CYP19A1: variants seen among roughly 807,000 people sequenced by gnomAD.
The protein encoded by CYP19A1 is cytochrome P450 family 19 subfamily A member 1.
A neutral mutation model predicts 44.4 loss-of-function variants in CYP19A1; 32 were observed. The observed-to-expected ratio is 0.72, with a 90% CI of 0.54 to 0.97. The LOEUF is 0.97. Among genes scored for constraint, CYP19A1 ranks in the 50% least tolerant of loss-of-function variants. The pLI is 0.00. For synonymous variants in CYP19A1, 212 were observed against 215.6 expected, an observed-to-expected ratio of 0.98 and a Z score of 0.14; for missense variants, 598 against 637.8, an observed-to-expected ratio of 0.94 and a Z score of 0.67.
chr15:51,263,708 G>T, intron 1 of CYP19A1, among the ~76,000 whole-genome samples: 1 of 152,208 alleles, frequency 6.6e-6, no homozygotes, highest in East Asian at 1.9e-4. Context: ...GAGAGGACAG[G>T]AGCAAATCCA....
At chr15:51,312,818 A>T (rs1044643937) in intron 1 of CYP19A1, 1 of 152,248 alleles carries the variant, frequency 6.6e-6, no homozygotes, top group African/African-American at 2.4e-5. Context: ...CACCCCATAT[A>T]TGATGGCTCT....
At chr15:51,329,584 G>A (rs2036668305) in intron 1 of CYP19A1, among the ~76,000 whole-genome samples, 1 of 152,184 alleles carries the variant, frequency 6.6e-6, no homozygotes, top group Non-Finnish European at 1.5e-5. Flanking sequence ...AATACCACCG[G>A]GGATGAAGAA....
intron 1 of CYP19A1, among the ~76,000 whole-genome samples, chr15:51,307,513 T>A (rs546492623): frequency 1.3e-5 from 2 of 152,208 alleles, no homozygotes; most frequent in Non-Finnish European, 2.9e-5. Context: ...AAAAAATTAG[T>A]CATGTCTGGC....
At chr15:51,277,820 GTTTT>G (rs573625758) in intron 1 of CYP19A1, among the ~76,000 whole-genome samples, 13 of 151,604 alleles carry the variant, frequency 8.6e-5, no homozygotes, top group African/African-American at 3.1e-4. Context: ...CAAATATCAC[GTTTT>G]TTTAAAAAAA....
chr15:51,217,310 C>G (rs1414026792), intron 6 of CYP19A1, among the ~76,000 whole-genome samples: 1 of 152,150 alleles, frequency 6.6e-6, no homozygotes, highest in Non-Finnish European at 1.5e-5. Flanking sequence ...TTCTGTGGGT[C>G]CAATGGCCAA....
In CYP19A1 at chr15:51,329,064, T is replaced by C. The variant is rs1342282966; in HGVS notation, c.-39+9431A>G. Among the ~76,000 whole-genome samples, 3 of 152,192 alleles carry C rather than the reference T, an allele frequency of 2.0e-5. 1 individual carries two copies. The East Asian group carries it at 5.8e-4, about 29-fold the overall frequency. ...CTTTGGGATTTGTCAGCCTACATAA[T>C]TGCATGAGCCAATTCCTTATAATAA... is the stretch of plus-strand genomic sequence containing the variant. On this transcript the variant is annotated intron_variant, in intron 1 of 9. Transcript: ENST00000396402.
intron 4 of CYP19A1, among the ~76,000 whole-genome samples, chr15:51,224,480 C>T (rs571703099): frequency 6.6e-6 from 1 of 152,230 alleles, no homozygotes; most frequent in Admixed American, 6.5e-5. Flanking sequence ...CCTGATCTTG[C>T]CTATAGAAGG....
chr15:51,226,131 C>T (rs1468468839), intron 4 of CYP19A1, among the ~76,000 whole-genome samples: 1 of 142,866 alleles, frequency 7.0e-6, no homozygotes, highest in Non-Finnish European at 1.5e-5. Context: ...AGAACCTTTC[C>T]AAGCCGAGGT....
intron 1 of CYP19A1, among the ~76,000 whole-genome samples, chr15:51,290,305 G>A (rs1006986088): frequency 1.3e-5 from 2 of 152,230 alleles, no homozygotes; most frequent in Non-Finnish European, 2.9e-5. Context: ...AGCAAAGTTC[G>A]CAGCACATGG....
At chr15:51,227,999 G>T in intron 3 of CYP19A1, 66 bp from the exon 4 acceptor site, 1 of 853,664 alleles carries the variant, frequency 1.2e-6, no homozygotes, top group South Asian at 1.3e-5. Context: ...GGTACATTTT[G>T]ACTAGGAGGT....
intron 8 of CYP19A1, among the ~76,000 whole-genome samples, chr15:51,214,104 T>C (rs1272725852): frequency 6.6e-6 from 1 of 152,210 alleles, no homozygotes; most frequent in Non-Finnish European, 1.5e-5. Context: ...TTGAAAAAGA[T>C]GATGCCCTTC....
At chr15:51,310,887 T>C (rs1206053091) in intron 1 of CYP19A1, among the ~76,000 whole-genome samples, 1 of 152,228 alleles carries the variant, frequency 6.6e-6, no homozygotes, top group Admixed American at 6.5e-5. Context: ...AAGATGTGCA[T>C]GTGTGGAACA....
chr15:51,292,262 A>G (rs2035864879), intron 1 of CYP19A1, among the ~76,000 whole-genome samples: 1 of 152,212 alleles, frequency 6.6e-6, no homozygotes, highest in African/African-American at 2.4e-5. Context: ...ATTGGCCCTG[A>G]ACAGACTACA....
At chr15:51,329,819 C>G (rs1041620058) in intron 1 of CYP19A1, among the ~76,000 whole-genome samples, 1 of 152,180 alleles carries the variant, frequency 6.6e-6, no homozygotes. Flanking sequence ...GAGCAAGATA[C>G]AGGAGTATTC....
At chr15:51,251,272 C>T (rs547726876) in intron 1 of CYP19A1, among the ~76,000 whole-genome samples, 1 of 152,224 alleles carries the variant, frequency 6.6e-6, no homozygotes, top group South Asian at 2.1e-4. Context: ...ATACACAATC[C>T]TTAGGGCAGC....
chr15:51,253,379 G>A (rs2034398595), intron 1 of CYP19A1, among the ~76,000 whole-genome samples: 3 of 152,182 alleles, frequency 2.0e-5, no homozygotes, highest in Non-Finnish European at 4.4e-5. Flanking sequence ...AGAGCTATAT[G>A]CCTTTGAAAA....
intron 4 of CYP19A1, 89 bp downstream of exon 4, chr15:51,227,690 A>G: frequency 2.7e-6 from 1 of 365,482 alleles, no homozygotes; most frequent in Non-Finnish European, 4.9e-6. Flanking sequence ...AAATAAATAA[A>G]TAAATAAATA....
At chr15:51,229,737 T>C (rs1364312545) in intron 3 of CYP19A1, among the ~76,000 whole-genome samples, 1 of 152,192 alleles carries the variant, frequency 6.6e-6, no homozygotes, top group Non-Finnish European at 1.5e-5. Context: ...CATCATTCTA[T>C]AATTAAAGCA....
chr15:51,287,450 C>T (rs529570076), intron 1 of CYP19A1, among the ~76,000 whole-genome samples: 1 of 152,314 alleles, frequency 6.6e-6, no homozygotes, highest in East Asian at 1.9e-4. Context: ...GGCTTCTTCA[C>T]ACCAGGCTGT....
Sources: allele counts gnomAD v4.1 joint callset (sites outside exome capture counted in the v4.1 genomes callset), GRCh38; gene constraint gnomAD v4.1.1; transcripts MANE v1.5; gene names NCBI Gene and HGNC (gene_info 2026-07-23, HGNC 2026-07-21).